SCAMP1: variants seen among roughly 807,000 people sequenced by gnomAD.
SCAMP1 encodes the protein secretory carrier-associated membrane protein 1.
SCAMP1 carries 15 observed loss-of-function variants against 41.8 expected under a neutral mutation model. That is an observed-to-expected ratio of 0.36 (90% CI 0.24 to 0.55). The LOEUF (loss-of-function observed/expected upper bound fraction) is 0.55. SCAMP1 is among the 20% of genes least tolerant of loss of function. The pLI, the probability that SCAMP1 is intolerant of heterozygous loss-of-function variation, is 0.86. For synonymous variants in SCAMP1, 135 were observed against 136.8 expected (o/e 0.99, Z 0.09); for missense variants, 341 against 412.6 (o/e 0.83, Z 1.50).
At chr5:78,472,800 C>T (rs112899013) in intron 8 of SCAMP1, among the ~76,000 whole-genome samples, 371 of 152,166 alleles carry the variant, frequency 2.4e-3, no homozygotes, top group Admixed American at 5.4e-3. Context: ...ATAGTATCAG[C>T]TGCTCAATTT....
intron 2 of SCAMP1, among the ~76,000 whole-genome samples, chr5:78,411,209 C>T (rs1752067097): frequency 6.6e-6 from 1 of 152,092 alleles, no homozygotes. Context: ...GAAATCTTTG[C>T]CCGTGCCTAC....
intron 7 of SCAMP1, among the ~76,000 whole-genome samples, chr5:78,456,441 T>G (rs1040469745): frequency 2.6e-5 from 4 of 152,144 alleles, no homozygotes; most frequent in Non-Finnish European, 5.9e-5. Flanking sequence ...CCTTCACTTA[T>G]GAAGTTTAGT....
At position 78,375,228 on chromosome 5, in the gene SCAMP1, C is replaced by T. The variant is rs1020512502; in HGVS notation, c.58-13609C>T. Among the ~76,000 whole-genome samples, 6 of 152,076 alleles carry T rather than the reference C, an allele frequency of 3.9e-5. 1 individual carries two copies. The South Asian group carries it at 1.0e-3, about 26-fold the overall frequency. On this transcript the variant is annotated intron_variant, in intron 1 of 8. Coordinates refer to ENST00000621999, the MANE Select transcript of SCAMP1 (RefSeq NM_004866.6). ...AGTATTTTAATTACATTTTATAGAG[C>T]AGCACAATATTTATTCTTTTTCTTC...
intron 1 of SCAMP1, among the ~76,000 whole-genome samples, chr5:78,387,784 T>G (rs937067246): frequency 3.9e-5 from 6 of 152,186 alleles, no homozygotes; most frequent in African/African-American, 1.4e-4. Context: ...CTGGGGACTG[T>G]CTGCAAAGAG....
intron 2 of SCAMP1, among the ~76,000 whole-genome samples, chr5:78,409,990 A>G (rs1752032002): frequency 6.6e-6 from 1 of 151,878 alleles, no homozygotes; most frequent in South Asian, 2.1e-4. Flanking sequence ...CTTTGGGGCG[A>G]TGCTTTTGGT....
rs1156479303 is a variant in SCAMP1, at chr5:78,479,370, G to C, written c.*3702G>C. Among the ~76,000 whole-genome samples the C allele has an allele frequency of 1.3e-5, 2 of 152,160 alleles. No homozygotes were observed. Among genetic ancestry groups the C allele is most frequent in the East Asian group, 3.8e-4 (2 of 5,204 alleles). On this transcript the variant is annotated 3_prime_UTR_variant, in exon 9 of 9. Transcript: ENST00000621999. ...GTACAATAGTATACATTTATTTAGAGTAGACTAATGTGTTTAAAACATGAG... is the reference window on the plus strand; with the variant it reads ...GTACAATAGTATACATTTATTTAGACTAGACTAATGTGTTTAAAACATGAG...
intron 2 of SCAMP1, among the ~76,000 whole-genome samples, chr5:78,390,799 G>A (rs1160445054): frequency 2.0e-5 from 3 of 150,870 alleles, no homozygotes; most frequent in Non-Finnish European, 4.4e-5. Flanking sequence ...GGACCCTGCG[G>A]CCTTCCGCAG....
rs181227419 is a variant in SCAMP1 at position 78,464,629 on chromosome 5, T to C, written c.852+5267T>C. Among the ~76,000 whole-genome samples the C allele has an allele frequency of 1.1e-3, 165 of 151,702 alleles. 1 individual carries two copies. Among genetic ancestry groups the C allele is most frequent in the African/African-American group, 3.9e-3 (160 of 41,280 alleles). ...GCAGATTTTTGACGTGGATCTGGGA[T>C]TGGGAACGGCATTTTGGTGGCAGTG... On this transcript the variant is annotated intron_variant, in intron 8 of 8. Transcript: ENST00000621999.
intron 1 of SCAMP1, among the ~76,000 whole-genome samples, chr5:78,363,740 C>T (rs1188208044): frequency 6.6e-6 from 1 of 152,074 alleles, no homozygotes. Context: ...GTCTATTCTC[C>T]TTATATAATA....
At chr5:78,386,228 G>A (rs1461457229) in intron 1 of SCAMP1, among the ~76,000 whole-genome samples, 1 of 151,872 alleles carries the variant, frequency 6.6e-6, no homozygotes, top group Non-Finnish European at 1.5e-5. Flanking sequence ...TCTTTTTTAA[G>A]TGCTGTTGCT....
At chr5:78,442,479 G>A (rs185682743) in intron 6 of SCAMP1, among the ~76,000 whole-genome samples, 2 of 152,154 alleles carry the variant, frequency 1.3e-5, no homozygotes, top group East Asian at 1.9e-4. Context: ...GGCTGGTCTC[G>A]AACTCCTGAC....
At chr5:78,459,206 A>G (rs371265528) in intron 7 of SCAMP1, 39 bp from the exon 8 acceptor site, 74 of 931,566 alleles carry the variant, frequency 7.9e-5, no homozygotes, top group African/African-American at 6.0e-4. Flanking sequence ...AAAAGTTTAC[A>G]TCAACTTTTG....
chr5:78,435,688 G>A (rs969180555), intron 6 of SCAMP1, among the ~76,000 whole-genome samples: 2 of 152,102 alleles, frequency 1.3e-5, no homozygotes, highest in African/African-American at 4.8e-5. Flanking sequence ...GTAAACATAC[G>A]TGTGCTTGTG....
At chr5:78,363,439 G>C (rs1750713753) in intron 1 of SCAMP1, among the ~76,000 whole-genome samples, 1 of 151,970 alleles carries the variant, frequency 6.6e-6, no homozygotes, top group African/African-American at 2.4e-5. Context: ...TCGATCTCCT[G>C]ACCTCGTGAT....
intron 2 of SCAMP1, among the ~76,000 whole-genome samples, chr5:78,402,272 A>G (rs1372140459): frequency 1.3e-5 from 2 of 151,282 alleles, no homozygotes; most frequent in Non-Finnish European, 2.9e-5. Flanking sequence ...TTCCATGTGA[A>G]CTTGAGAAGA....
intron 6 of SCAMP1, among the ~76,000 whole-genome samples, chr5:78,434,085 A>G (rs1340469914): frequency 6.6e-6 from 1 of 152,138 alleles, no homozygotes; most frequent in Non-Finnish European, 1.5e-5. Context: ...TTGCCTCCCC[A>G]AGACCTGTAC....
chr5:78,406,174 C>T (rs987947668), intron 2 of SCAMP1, among the ~76,000 whole-genome samples: 4 of 152,118 alleles, frequency 2.6e-5, no homozygotes, highest in African/African-American at 7.2e-5. Flanking sequence ...TAAGAATCAC[C>T]ATGGGGAGTT....
At chr5:78,464,102 CA>C (rs1313074886) in intron 8 of SCAMP1, among the ~76,000 whole-genome samples, 1 of 151,846 alleles carries the variant, frequency 6.6e-6, no homozygotes, top group African/African-American at 2.4e-5. Context: ...CTCAGCCTCC[CA>C]AGTAGCTGGG....
chr5:78,454,915 A>G (rs1327787556), intron 7 of SCAMP1, among the ~76,000 whole-genome samples: 102 of 151,900 alleles, frequency 6.7e-4, no homozygotes, highest in Non-Finnish European at 1.2e-3. Flanking sequence ...GTCTTGGGAG[A>G]GTGTATGTGT....
Sources: gnomAD v4.1 joint callset for allele counts (sites outside exome capture counted in the v4.1 genomes callset) on GRCh38, gnomAD v4.1.1 for gene constraint, MANE v1.5 for transcripts, NCBI Gene and HGNC (gene_info 2026-07-23, HGNC 2026-07-21) for gene names.